GMPS: variants seen among roughly 807,000 people sequenced by gnomAD.
The protein encoded by GMPS is GMP synthase [glutamine-hydrolyzing].
GMPS carries 15 observed loss-of-function variants against 77.9 expected under a neutral mutation model. The observed-to-expected ratio is 0.19, with a 90% confidence interval of 0.13 to 0.30. The LOEUF is 0.30. GMPS is among the 10% of genes least tolerant of loss of function. The pLI is 1.00. For synonymous variants in GMPS, 224 were observed against 275.9 expected, an observed-to-expected ratio of 0.81 and a Z score of 1.86; for missense variants, 590 against 838.8, an observed-to-expected ratio of 0.70 and a Z score of 3.66.
Position 155,903,953 on chromosome 3 carries a change from T to C in GMPS, c.415T>C (p.Leu139=). The change falls in exon 4 of 16, where the codon TTA becomes CTA. Residue 139 remains leucine, a synonymous_variant. Coordinates refer to ENST00000496455, the MANE Select transcript of GMPS (RefSeq NM_003875.3). ...FNISVDNTCS[L]FRGLQKEEVV... is the part of the protein sequence containing the mutation. ...CATTAGTGTGGATAATACATGTTCATTATTCAGGTATTACATTTTTAGATG... is the reference window on the plus strand; with the variant it reads ...CATTAGTGTGGATAATACATGTTCACTATTCAGGTATTACATTTTTAGATG... The C allele has an allele frequency of 7.5e-7, 1 of 1,341,912 alleles. No homozygotes were observed. Among genetic ancestry groups the C allele is most frequent in the Non-Finnish European group, 1.0e-6 (1 of 966,026 alleles). 83.1% of individuals were successfully genotyped at this position (1,341,912 alleles called of 1,614,324 possible).
At chr3:155,926,710 G>T (rs534723523) in intron 12 of GMPS, among the ~76,000 whole-genome samples, 1 of 152,086 alleles carries the variant, frequency 6.6e-6, no homozygotes, top group Non-Finnish European at 1.5e-5. Flanking sequence ...ATGCAGTTCT[G>T]CCTGTAAATA....
intron 1 of GMPS, among the ~76,000 whole-genome samples, chr3:155,886,856 G>T (rs140814541): frequency 2.6e-5 from 4 of 152,142 alleles, no homozygotes; most frequent in African/African-American, 9.6e-5. Context: ...GAAGCCTTGG[G>T]ATGTCTTCCT....
rs576576042 is a variant in GMPS, at chr3:155,888,799, G to T, written c.28-4719G>T. Among the ~76,000 whole-genome samples the T allele has an allele frequency of 4.6e-5, 7 of 152,130 alleles. No homozygotes were observed. The South Asian group carries it at 1.5e-3, about 32-fold the overall frequency. The stretch of plus-strand genomic sequence containing the variant: ...GGGGTTTTACCACGTTAGCCAGGCT[G>T]GTCTCGAACTCCTGACCTCAGATGC... On this transcript the variant is annotated intron_variant, in intron 1 of 15. Coordinates refer to ENST00000496455, the MANE Select transcript of GMPS (RefSeq NM_003875.3).
chr3:155,877,242 A>G (rs1311144424), intron 1 of GMPS, among the ~76,000 whole-genome samples: 1 of 152,208 alleles, frequency 6.6e-6, no homozygotes, highest in Non-Finnish European at 1.5e-5. Context: ...TTTTGATGTT[A>G]TTGGTAGCAG....
intron 1 of GMPS, among the ~76,000 whole-genome samples, chr3:155,892,124 G>T (rs1754486806): frequency 6.6e-6 from 1 of 152,050 alleles, no homozygotes; most frequent in Non-Finnish European, 1.5e-5. Context: ...AGAGTATAAA[G>T]AAATAAAAAT....
chr3:155,922,114 G>A (rs1475097416), intron 10 of GMPS, 73 bp from the exon 11 acceptor site: 9 of 621,246 alleles, frequency 1.4e-5, no homozygotes, highest in Non-Finnish European at 2.2e-5. Flanking sequence ...GAAACTAGTG[G>A]CATTTTTATA....
chr3:155,931,034 C>T (rs1755602139), intron 12 of GMPS, among the ~76,000 whole-genome samples: 1 of 152,002 alleles, frequency 6.6e-6, no homozygotes, highest in Non-Finnish European at 1.5e-5. Context: ...CCATGTTGTC[C>T]AGGCTGGTCT....
rs1047989387 is a variant in GMPS at position 155,896,314 on chromosome 3, T to G, written c.210-1613T>G. ...GTGAGCCACCATGCCTGGCGTTAGC[T>G]TCTGTATTTTTAAGGAGTTAGGTTA... On this transcript the variant is annotated intron_variant, in intron 2 of 15. Transcript: ENST00000496455. 5.9e-5 allele frequency among the ~76,000 whole-genome samples: 9 copies of G among 152,082 alleles called. 1 individual carries two copies. The highest frequency in any genetic ancestry group is 2.2e-4 in the African/African-American group (9 of 41,434).
chr3:155,907,751 G>GT (rs1754929587), intron 5 of GMPS, among the ~76,000 whole-genome samples: 1 of 152,194 alleles, frequency 6.6e-6, no homozygotes, highest in African/African-American at 2.4e-5. Context: ...TGTGATTAGG[G>GT]TTGTTGCAAT....
At chr3:155,915,933 C>A (rs1755165732) in intron 8 of GMPS, 86 bp from the exon 9 acceptor site, 3 of 812,750 alleles carry the variant, frequency 3.7e-6, no homozygotes, top group Non-Finnish European at 5.9e-6. Context: ...TTCTAAAGGA[C>A]TCTAAGAGAT....
chr3:155,941,402 C>CAA lies in GMPS; in HGVS notation c.*3725_*3726dup, dbSNP rs375351109. On this transcript the variant is annotated 3_prime_UTR_variant, in exon 16 of 16. Transcript: ENST00000496455. ...CTGGTGAAAGAGCGAGACTCAGTCT[C>CAA]AAAAAAAAAAAAAAAAGGAAGTTCT... 20,325 of 156,510 alleles carry CAA rather than the reference C, an allele frequency of 0.13. 1,103 individuals are homozygous for CAA. Among genetic ancestry groups the CAA allele is most frequent in the Non-Finnish European group, 0.14 (10,997 of 76,588 alleles). 9.7% of individuals were successfully genotyped at this position (156,510 alleles called of 1,614,324 possible). A position where few individuals can be genotyped will look rare whatever the true frequency, so the allele number is the denominator to read the frequency against.
chr3:155,936,216 C>T (rs982908291), intron 14 of GMPS, 122 bp from the exon 15 acceptor site: 2 of 636,352 alleles, frequency 3.1e-6, no homozygotes, highest in South Asian at 2.0e-5. Flanking sequence ...TGCATGATGA[C>T]AGTCTTAACT....
At chr3:155,886,611 C>CTTTTT (rs58367815) in intron 1 of GMPS, among the ~76,000 whole-genome samples, 24 of 78,050 alleles carry the variant, frequency 3.1e-4, no homozygotes, top group South Asian at 2.9e-3. Context: ...TTCCTGATGA[C>CTTTTT]TTTTTTTTTT....
chr3:155,912,821 C>G (rs1425471379), intron 7 of GMPS, among the ~76,000 whole-genome samples: 1 of 152,144 alleles, frequency 6.6e-6, no homozygotes, highest in Non-Finnish European at 1.5e-5. Flanking sequence ...GTGCTGTAGA[C>G]TTCTGGGGAG....
In GMPS at chr3:155,941,397, A is replaced by C. The variant is rs71310456; in HGVS notation, c.*3705A>C. The C allele has an allele frequency of 0.31, 44,456 of 142,492 alleles. 6,176 individuals carry two copies. Among genetic ancestry groups the C allele is most frequent in the South Asian group, 0.49 (2,141 of 4,362 alleles). 8.8% of individuals were successfully genotyped at this position (142,492 alleles called of 1,614,324 possible). On this transcript the variant is annotated 3_prime_UTR_variant, in exon 16 of 16. Transcript: ENST00000496455. ...CCGGCCTGGTGAAAGAGCGAGACTCAGTCTCAAAAAAAAAAAAAAAAGGAA... is the reference window on the plus strand; with the variant it reads ...CCGGCCTGGTGAAAGAGCGAGACTCCGTCTCAAAAAAAAAAAAAAAAGGAA...
Position 155,915,238 on chromosome 3 carries a change from G to GTT in GMPS, c.1038+682_1038+683dup, listed in dbSNP as rs35664957. 1.6e-3 allele frequency among the ~76,000 whole-genome samples: 216 copies of GTT among 133,108 alleles called. 1 individual carries two copies. The highest frequency in any genetic ancestry group is 3.3e-3 in the African/African-American group (117 of 35,966). The allele number at this position is 133,108 out of a possible 152,430, so 87.3% of individuals were successfully genotyped here. ...GGAATGTTCACATACCTTTGTTTTT[G>GTT]TTTTTTTTTTTTTTTGGAGGCGGAG... On this transcript the variant is annotated intron_variant, in intron 8 of 15. Transcript: ENST00000496455.
chr3:155,872,671 C>G (rs1268571428), intron 1 of GMPS, among the ~76,000 whole-genome samples: 1 of 152,112 alleles, frequency 6.6e-6, no homozygotes, highest in Non-Finnish European at 1.5e-5. Flanking sequence ...GTTGGAATGA[C>G]AAAGATAATC....
chr3:155,916,080 G>T lies in GMPS; in HGVS notation c.1100G>T (p.Gly367Val). ...CCAGAGGAGGTTTTCCTTGCCCAAGGTACTTTACGGCCTGATCTAATTGAA... is the reference window on the plus strand; with the variant it reads ...CCAGAGGAGGTTTTCCTTGCCCAAGTTACTTTACGGCCTGATCTAATTGAA... ...LKPEEVFLAQ[G>V]TLRPDLIESA... The change falls in exon 9 of 16, where the codon GGT becomes GTT. Residue 367 changes from glycine to valine, a missense_variant. This residue lies in a region of GMPS where 181 missense variants were observed against 186.8 expected (regional missense o/e 0.97). Transcript: ENST00000496455. 1.2e-6 allele frequency: 2 copies of T among 1,613,282 alleles called. No homozygotes were observed. The highest frequency in any genetic ancestry group is 1.1e-5 in the South Asian group (1 of 91,068).
Position 155,938,063 on chromosome 3 carries a change from A to G in GMPS, c.*371A>G, listed in dbSNP as rs1177932966. 7 of 244,318 alleles carry G rather than the reference A, an allele frequency of 2.9e-5. No individual in the cohort carries two copies. The highest frequency in any genetic ancestry group is 4.8e-5 in the Non-Finnish European group (6 of 125,434). 15.1% of individuals were successfully genotyped at this position (244,318 alleles called of 1,614,324 possible). A position where few individuals can be genotyped will look rare whatever the true frequency, so the allele number is the denominator to read the frequency against. ...TACCAGTTTCTAAGAACTGTTAGAAACGCCCATTATTTACCAGTGTTACTT... is the reference window on the plus strand; with the variant it reads ...TACCAGTTTCTAAGAACTGTTAGAAGCGCCCATTATTTACCAGTGTTACTT... On this transcript the variant is annotated 3_prime_UTR_variant, in exon 16 of 16. Transcript: ENST00000496455.
Sources: gnomAD v4.1 joint callset for allele counts (sites outside exome capture counted in the v4.1 genomes callset) on GRCh38, gnomAD v4.1.1 for gene constraint, gnomAD v4.1.1 regional missense constraint, MANE v1.5 for transcripts, NCBI Gene and HGNC (gene_info 2026-07-23, HGNC 2026-07-21) for gene names.